Variants in RCSD1 observed in about 807,000 individuals in gnomAD.
RCSD1 encodes the protein RCSD domain containing 1.
RCSD1 carries 26 observed loss-of-function variants against 42.5 expected under a neutral mutation model. The ratio of observed to expected loss-of-function variants is 0.61; its 90% CI spans 0.45 to 0.85. The LOEUF (loss-of-function observed/expected upper bound fraction) is 0.85, where lower values mean the gene tolerates loss of function less well. Among genes scored for constraint, RCSD1 ranks in the 40% least tolerant of loss-of-function variants. The pLI is 0.00. For synonymous variants in RCSD1, 220 were observed against 212.2 expected (o/e 1.04, Z -0.32); for missense variants, 571 against 528.3 (o/e 1.08, Z -0.79).
At chr1:167,653,848 T>A (rs1035410421) in intron 1 of RCSD1, among the ~76,000 whole-genome samples, 4 of 152,088 alleles carry the variant, frequency 2.6e-5, no homozygotes, top group African/African-American at 9.7e-5. Flanking sequence ...ATCAAGGCAT[T>A]TGAGGTAGAA....
intron 3 of RCSD1, among the ~76,000 whole-genome samples, chr1:167,687,122 G>A (rs1659252564): frequency 6.6e-6 from 1 of 152,190 alleles, no homozygotes; most frequent in Admixed American, 6.5e-5. Flanking sequence ...ATGGCCAAGG[G>A]CTGGTTAAGT....
intron 4 of RCSD1, among the ~76,000 whole-genome samples, chr1:167,693,400 C>T (rs1032951604): frequency 3.3e-5 from 5 of 152,226 alleles, no homozygotes; most frequent in African/African-American, 7.2e-5. Flanking sequence ...GGGTGACTCT[C>T]CCATTTGGCT....
intron 1 of RCSD1, among the ~76,000 whole-genome samples, chr1:167,666,927 T>C (rs1658673056): frequency 6.6e-6 from 1 of 152,246 alleles, no homozygotes; most frequent in African/African-American, 2.4e-5. Context: ...CTAAGACAAT[T>C]CTTCCACTGT....
At chr1:167,691,615 G>C (rs891580484) in intron 4 of RCSD1, among the ~76,000 whole-genome samples, 2 of 152,242 alleles carry the variant, frequency 1.3e-5, no homozygotes, top group Admixed American at 1.3e-4. Flanking sequence ...CATTCTGAAG[G>C]CATCAGAGGT....
chr1:167,650,917 G>C (rs1338096420), intron 1 of RCSD1, among the ~76,000 whole-genome samples: 1 of 152,186 alleles, frequency 6.6e-6, no homozygotes, highest in Non-Finnish European at 1.5e-5. Flanking sequence ...GGACTGGATG[G>C]CTTAGACAGC....
intron 1 of RCSD1, among the ~76,000 whole-genome samples, chr1:167,640,939 T>G (rs1657989304): frequency 6.6e-6 from 1 of 152,196 alleles, no homozygotes; most frequent in African/African-American, 2.4e-5. Flanking sequence ...ACTTGGGGAT[T>G]GGAGGAGTGA....
intron 1 of RCSD1, chr1:167,633,666 T>C (rs929819557): frequency 1.3e-5 from 2 of 152,072 alleles, no homozygotes; most frequent in Non-Finnish European, 2.9e-5. Flanking sequence ...CTGCAACTCT[T>C]GAAGGCCAGA....
chr1:167,685,414 C>T lies in RCSD1; in HGVS notation c.109-7C>T, dbSNP rs1204473972. ...CTCTGTGTGTCTGTCTGTCGCCCTCCCTCCAGACACCAGCCAGTAAACCAA... is the reference window on the plus strand; with the variant it reads ...CTCTGTGTGTCTGTCTGTCGCCCTCTCTCCAGACACCAGCCAGTAAACCAA... On this transcript the variant is annotated splice_region_variant and splice_polypyrimidine_tract_variant and intron_variant, in intron 2 of 6. Transcript: ENST00000367854. The T allele has an allele frequency of 1.9e-6, 3 of 1,611,706 alleles. No homozygotes were observed. The highest frequency in any genetic ancestry group is 2.5e-6 in the Non-Finnish European group (3 of 1,178,250).
chr1:167,656,209 A>T (rs1658422726), intron 1 of RCSD1, among the ~76,000 whole-genome samples: 1 of 152,208 alleles, frequency 6.6e-6, no homozygotes, highest in African/African-American at 2.4e-5. Flanking sequence ...GCTGAGGCGC[A>T]AGCGGAGGAC....
chr1:167,683,805 T>C, intron 1 of RCSD1, 95 bp from the exon 2 acceptor site: 2 of 1,158,168 alleles, frequency 1.7e-6, no homozygotes, highest in South Asian at 2.8e-5. Flanking sequence ...TACCTCACTG[T>C]CACAGCATTC....
At chr1:167,682,079 A>C (rs1659095175) in intron 1 of RCSD1, among the ~76,000 whole-genome samples, 1 of 152,068 alleles carries the variant, frequency 6.6e-6, no homozygotes, top group Non-Finnish European at 1.5e-5. Context: ...AGCAACCCAC[A>C]GTAAAGGGGT....
intron 1 of RCSD1, among the ~76,000 whole-genome samples, chr1:167,674,774 G>C (rs886190090): frequency 1.3e-5 from 2 of 152,136 alleles, no homozygotes; most frequent in Non-Finnish European, 2.9e-5. Flanking sequence ...ATGTTTTCAA[G>C]GTTTATCACA....
At chr1:167,631,300 C>A (rs1241374135) in intron 1 of RCSD1, among the ~76,000 whole-genome samples, 1 of 152,170 alleles carries the variant, frequency 6.6e-6, no homozygotes, top group East Asian at 1.9e-4. Flanking sequence ...AGCCCTAAGT[C>A]AATCTTAGTA....
Position 167,681,567 on chromosome 1 carries a change from A to G in RCSD1, c.7-2333A>G, listed in dbSNP as rs886781972. 2.0e-5 allele frequency among the ~76,000 whole-genome samples: 3 copies of G among 152,284 alleles called. No homozygotes were observed. The East Asian group carries it at 5.8e-4, about 29-fold the overall frequency. On this transcript the variant is annotated intron_variant, in intron 1 of 6. Transcript: ENST00000367854. Reference sequence around the variant, plus strand: ...TTCTCTCACTTCTGAGCCCCTTGCCAAGGCTAGTTTTGGGACAGGGAAGTA... The same window carrying G: ...TTCTCTCACTTCTGAGCCCCTTGCCGAGGCTAGTTTTGGGACAGGGAAGTA...
At chr1:167,669,992 C>T (rs972677592) in intron 1 of RCSD1, among the ~76,000 whole-genome samples, 1 of 10,564 alleles carries the variant, frequency 9.5e-5, no homozygotes, top group East Asian at 3.6e-3. Flanking sequence ...AGGACACACA[C>T]GCACACGCAC....
intron 1 of RCSD1, among the ~76,000 whole-genome samples, chr1:167,680,458 TTTTGTTTTTG>T (rs1429816477): frequency 6.8e-6 from 1 of 146,544 alleles, no homozygotes; most frequent in Non-Finnish European, 1.5e-5. Flanking sequence ...CTGTTTTTGT[TTTTGTTTTTG>T]TTTTTGTTTT....
intron 6 of RCSD1, among the ~76,000 whole-genome samples, chr1:167,699,759 T>C (rs1270001684): frequency 1.3e-5 from 2 of 152,218 alleles, no homozygotes; most frequent in Non-Finnish European, 2.9e-5. Context: ...GAGGTCTTTT[T>C]GTTCTTCCAA....
chr1:167,695,538 A>ATTTTTTTTT (rs34867466), intron 5 of RCSD1, among the ~76,000 whole-genome samples: 1 of 141,046 alleles, frequency 7.1e-6, no homozygotes, highest in Non-Finnish European at 1.5e-5. Context: ...TTACACACTA[A>ATTTTTTTTT]TTTTTTTTTT....
At chr1:167,701,172 T>C (rs554562784) in intron 6 of RCSD1, among the ~76,000 whole-genome samples, 2 of 152,310 alleles carry the variant, frequency 1.3e-5, no homozygotes, top group South Asian at 4.1e-4. Context: ...CTTCCATCTC[T>C]GAATGGAATG....
Sources: allele counts gnomAD v4.1 joint callset (sites outside exome capture counted in the v4.1 genomes callset), GRCh38; gene constraint gnomAD v4.1.1; transcripts MANE v1.5; gene names NCBI Gene and HGNC (gene_info 2026-07-23, HGNC 2026-07-21).